Variants in MACROD2 observed in about 807,000 individuals in gnomAD.
The protein encoded by MACROD2 is mono-ADP ribosylhydrolase 2, also known as ADP-ribose glycohydrolase MACROD2.
In MACROD2, 36 loss-of-function variants were observed where a neutral mutation model predicts 70.4. The observed-to-expected ratio is 0.51, with a 90% CI of 0.39 to 0.68. The LOEUF (loss-of-function observed/expected upper bound fraction) is 0.68. Among genes scored for constraint, MACROD2 ranks in the 30% least tolerant of loss-of-function variants. The pLI is 0.00. For missense variants in MACROD2, 496 were observed against 538.4 expected, an observed-to-expected ratio of 0.92 and a Z score of 0.78; for synonymous variants, 172 against 178.8, an observed-to-expected ratio of 0.96 and a Z score of 0.30.
chr20:15,842,753 G>GATAGAGAGAGAA (rs33937643), intron 8 of MACROD2, among the ~76,000 whole-genome samples: 9 of 140,748 alleles, frequency 6.4e-5, no homozygotes, highest in African/African-American at 1.9e-4. Context: ...TAGAGAAATA[G>GATAGAGAGAGAA]ACAGACAAAT....
chr20:14,615,567 A>G (rs548464245), intron 4 of MACROD2, among the ~76,000 whole-genome samples: 1 of 152,212 alleles, frequency 6.6e-6, no homozygotes, highest in South Asian at 2.1e-4. Context: ...TATAGGAAAC[A>G]ATAGAGGTAA....
At chr20:14,766,878 A>G (rs1289497766) in intron 5 of MACROD2, among the ~76,000 whole-genome samples, 2 of 152,140 alleles carry the variant, frequency 1.3e-5, no homozygotes, top group African/African-American at 4.8e-5. Flanking sequence ...TATTCCAAGT[A>G]TTGGCTTAAA....
intron 8 of MACROD2, among the ~76,000 whole-genome samples, chr20:15,706,275 C>T (rs1053649596): frequency 6.6e-6 from 1 of 152,134 alleles, no homozygotes. Flanking sequence ...AGCTGGGTGA[C>T]CTTTGGCAAG....
At chr20:15,202,748 T>G (rs577048414) in intron 5 of MACROD2, among the ~76,000 whole-genome samples, 3 of 152,178 alleles carry the variant, frequency 2.0e-5, no homozygotes, top group Non-Finnish European at 4.4e-5. Context: ...ATTATGATAT[T>G]TTATCTACCT....
At position 14,985,685 on chromosome 20, in the gene MACROD2, C is replaced by T. The variant is rs77849015; in HGVS notation, c.419-244255C>T. 2.9e-3 allele frequency among the ~76,000 whole-genome samples: 331 copies of T among 115,050 alleles called. No individual in the cohort carries two copies. The Middle Eastern group carries it at 0.041, about 14-fold the overall frequency. 75.5% of individuals were successfully genotyped at this position (115,050 alleles called of 152,430 possible). ...GAAATCTTAGCTGTATTCTCTTATT[C>T]TTTTTTTTTTTTTTTTTGAGGATGA... On this transcript the variant is annotated intron_variant, in intron 5 of 17. Coordinates refer to ENST00000684519, the MANE Select transcript of MACROD2 (RefSeq NM_001351661.2).
Position 15,810,221 on chromosome 20 carries a change from T to C in MACROD2, c.646-52524T>C, listed in dbSNP as rs554231019. 3.2e-4 allele frequency among the ~76,000 whole-genome samples: 48 copies of C among 152,098 alleles called. 1 individual carries two copies. The South Asian group carries it at 3.5e-3, about 11-fold the overall frequency. On this transcript the variant is annotated intron_variant, in intron 8 of 17. Transcript: ENST00000684519. ...ATCATTTTTTATGGCTGCATAGTAT[T>C]CCATGGTGTATATGTGCCACATTTT... is the stretch of plus-strand genomic sequence containing the variant.
chr20:14,096,364 C>CTTTTTTTT (rs71335950), intron 3 of MACROD2, among the ~76,000 whole-genome samples: 1 of 118,116 alleles, frequency 8.5e-6, no homozygotes, highest in Non-Finnish European at 1.7e-5. Flanking sequence ...GTTATTTTAC[C>CTTTTTTTT]TTTTTTTTTT....
intron 8 of MACROD2, among the ~76,000 whole-genome samples, chr20:15,568,780 A>G (rs927800509): frequency 6.6e-5 from 10 of 152,198 alleles, no homozygotes; most frequent in African/African-American, 2.4e-4. Context: ...TTAATAAGCA[A>G]CTATAGATGG....
At chr20:14,417,602 A>G (rs909366217) in intron 3 of MACROD2, among the ~76,000 whole-genome samples, 3 of 152,194 alleles carry the variant, frequency 2.0e-5, no homozygotes, top group Non-Finnish European at 4.4e-5. Flanking sequence ...TGTTTATTTC[A>G]ATAAGAACAA....
intron 5 of MACROD2, among the ~76,000 whole-genome samples, chr20:14,909,015 A>C (rs2073993967): frequency 6.6e-6 from 1 of 152,342 alleles, no homozygotes; most frequent in Admixed American, 6.5e-5. Context: ...GGTATGGATT[A>C]GCAGGTCAAA....
intron 7 of MACROD2, among the ~76,000 whole-genome samples, chr20:15,432,711 T>C (rs1007133759): frequency 2.7e-5 from 4 of 148,706 alleles, no homozygotes; most frequent in African/African-American, 7.9e-5. Flanking sequence ...TTGATTTTCC[T>C]TGCCAAAAAA....
At position 16,049,053 on chromosome 20, in the gene MACROD2, C is replaced by T. The variant is rs2067422331; in HGVS notation, c.1301-777C>T. On this transcript the variant is annotated intron_variant, in intron 17 of 17. Transcript: ENST00000684519. The stretch of plus-strand genomic sequence containing the variant: ...ATTACACTGAGTGAAAGGAGACAGA[C>T]ACAATGAGGTACTTGTATGATTCCA... Among the ~76,000 whole-genome samples the T allele has an allele frequency of 4.6e-5, 7 of 152,134 alleles. 1 individual carries two copies. Among genetic ancestry groups the T allele is most frequent in the Admixed American group, 4.6e-4 (7 of 15,270 alleles).
intron 3 of MACROD2, among the ~76,000 whole-genome samples, chr20:14,377,398 T>A (rs2083382262): frequency 6.6e-6 from 1 of 152,180 alleles, no homozygotes; most frequent in Non-Finnish European, 1.5e-5. Flanking sequence ...ATACTTAGAG[T>A]GACAATATCC....
intron 8 of MACROD2, among the ~76,000 whole-genome samples, chr20:15,592,241 T>C (rs2048689932): frequency 6.6e-6 from 1 of 152,250 alleles, no homozygotes; most frequent in Non-Finnish European, 1.5e-5. Flanking sequence ...GTCAAGTATT[T>C]CGATCCTGGT....
intron 8 of MACROD2, among the ~76,000 whole-genome samples, chr20:15,568,382 A>G (rs2048335753): frequency 6.6e-6 from 1 of 152,130 alleles, no homozygotes; most frequent in Admixed American, 6.6e-5. Context: ...TAACAAACTC[A>G]CGTGGAATGT....
At chr20:15,705,602 T>C (rs971645309) in intron 8 of MACROD2, among the ~76,000 whole-genome samples, 1 of 152,108 alleles carries the variant, frequency 6.6e-6, no homozygotes, top group African/African-American at 2.4e-5. Context: ...GTATTTTTAG[T>C]AGAGATGGGT....
At chr20:15,344,396 G>C (rs1004355865) in intron 6 of MACROD2, among the ~76,000 whole-genome samples, 1 of 152,120 alleles carries the variant, frequency 6.6e-6, no homozygotes, top group Non-Finnish European at 1.5e-5. Context: ...TGAGTGATTG[G>C]TAGGGCCAGA....
At chr20:15,827,938 A>G (rs1477730223) in intron 8 of MACROD2, among the ~76,000 whole-genome samples, 1 of 152,214 alleles carries the variant, frequency 6.6e-6, no homozygotes, top group Non-Finnish European at 1.5e-5. Context: ...TGGATGGTCC[A>G]GCTCACTTAT....
At chr20:14,062,039 A>C (rs1398244004) in intron 2 of MACROD2, among the ~76,000 whole-genome samples, 1 of 152,144 alleles carries the variant, frequency 6.6e-6, no homozygotes, top group East Asian at 1.9e-4. Context: ...TAAAAAATAG[A>C]AGCTTTGAAG....
Sources: gnomAD v4.1 joint callset for allele counts (sites outside exome capture counted in the v4.1 genomes callset) on GRCh38, gnomAD v4.1.1 for gene constraint, MANE v1.5 for transcripts, NCBI Gene and HGNC (gene_info 2026-07-23, HGNC 2026-07-21) for gene names.